The following CEP97 variants were observed in gnomAD, a reference collection of about 807,000 sequenced individuals.
CEP97 encodes centrosomal protein 97.
CEP97 carries 43 observed loss-of-function variants against 73.1 expected under a neutral mutation model. The ratio of observed to expected loss-of-function variants is 0.59; its 90% CI spans 0.46 to 0.76. The LOEUF is 0.76. CEP97 is among the 30% of genes least tolerant of loss of function. The pLI is 0.00. For synonymous variants in CEP97, 337 were observed against 370.0 expected, an observed-to-expected ratio of 0.91 and a Z score of 1.02; for missense variants, 939 against 1,014.0, an observed-to-expected ratio of 0.93 and a Z score of 1.00.
chr3:101,765,237 A>G lies in CEP97; in HGVS notation c.2284A>G (p.Ser762Gly), dbSNP rs150428728. The G allele has an allele frequency of 5.3e-5, 86 of 1,614,230 alleles. No individual in the cohort carries two copies. Among genetic ancestry groups the G allele is most frequent in the Non-Finnish European group, 6.9e-5 (82 of 1,180,030 alleles). ...SEEHGEWNKE[S>G]SNNEQDNSLL... ...AGAACATGGTGAATGGAATAAGGAA[A>G]GCTCAAATAACGAGCAGGACAATAG... The change falls in exon 11 of 11, where the codon AGC (serine) becomes GGC (glycine). Residue 762 changes from serine (S) to glycine (G), a missense_variant. Physicochemically the swap from Ser to Gly is moderately conservative, Grantham distance 56 (BLOSUM62 0). Transcript: ENST00000341893.
intron 4 of CEP97, 38 bp downstream of exon 4, chr3:101,728,975 G>A (rs777748882): frequency 3.5e-6 from 4 of 1,145,498 alleles, no homozygotes; most frequent in African/African-American, 3.1e-5. Context: ...AAGTTTTATA[G>A]CAAAATACCA....
chr3:101,760,684 G>C (rs954858131), intron 9 of CEP97, among the ~76,000 whole-genome samples: 1 of 151,878 alleles, frequency 6.6e-6, no homozygotes, highest in African/African-American at 2.4e-5. Context: ...TGGGACTATA[G>C]GCATGCACCA....
intron 6 of CEP97, among the ~76,000 whole-genome samples, chr3:101,754,566 T>A (rs1938950818): frequency 6.6e-6 from 1 of 152,168 alleles, no homozygotes. Context: ...ACTGAGCAGT[T>A]CTTTCTTGGG....
Position 101,727,425 on chromosome 3 carries a change from G to T in CEP97, c.229G>T (p.Ala77Ser), listed in dbSNP as rs1176182218. The change falls in exon 3 of 11, where the codon GCC (alanine) becomes TCC (serine). Residue 77 changes from alanine (A) to serine (S), a missense_variant. Ala to Ser is a moderately conservative substitution (Grantham distance 99). Coordinates refer to ENST00000341893, the MANE Select transcript of CEP97 (RefSeq NM_024548.4). ...TCGGCTGGTTCGGATGATGGGTGTG[G>T]CCAAGCTGACGTTGCTTCGTGTATT... Reference protein sequence around the residue: ...NNRLVRMMGVAKLTLLRVLNL... With the variant: ...NNRLVRMMGVSKLTLLRVLNL... The T allele has an allele frequency of 1.2e-6, 2 of 1,613,772 alleles. No homozygotes were observed. The highest frequency in any genetic ancestry group is 3.3e-5 in the Admixed American group (2 of 59,962).
At chr3:101,738,011 CAAAAAAAAAA>C (rs770745532) in intron 6 of CEP97, among the ~76,000 whole-genome samples, 1 of 44,222 alleles carries the variant, frequency 2.3e-5, no homozygotes, top group African/African-American at 9.9e-5. Context: ...AAATGGAAAG[CAAAAAAAAAA>C]AAAAAAAAAA....
chr3:101,732,600 G>C lies in CEP97; in HGVS notation c.674G>C (p.Ser225Thr). The change falls in exon 6 of 11, where the codon AGC (serine) becomes ACC (threonine). Residue 225 changes from serine to threonine, a missense_variant. Ser to Thr is a moderately conservative substitution (Grantham distance 58). Coordinates refer to ENST00000341893, the MANE Select transcript of CEP97 (RefSeq NM_024548.4). Reference protein sequence around the residue: ...PGFDYRPYIVSWCLNLRVLDG... With the variant: ...PGFDYRPYIVTWCLNLRVLDG... ...TTTGACTATCGGCCGTACATCGTCAGCTGGTGCCTAAACCTCAGAGTCCTA... is the reference window on the plus strand; with the variant it reads ...TTTGACTATCGGCCGTACATCGTCACCTGGTGCCTAAACCTCAGAGTCCTA... 6.2e-7 allele frequency: 1 copy of C among 1,614,084 alleles called. No individual in the cohort carries two copies. Among genetic ancestry groups the C allele is most frequent in the South Asian group, 1.1e-5 (1 of 91,080 alleles).
intron 2 of CEP97, among the ~76,000 whole-genome samples, chr3:101,727,093 A>G (rs548004408): frequency 6.6e-6 from 1 of 152,196 alleles, no homozygotes; most frequent in Non-Finnish European, 1.5e-5. Flanking sequence ...TGAGAGTTTA[A>G]CAGCACTATT....
In CEP97 at chr3:101,766,670, C is replaced by G. The variant is rs1239859506; in HGVS notation, c.*1119C>G. 6.6e-6 allele frequency: 1 copy of G among 152,058 alleles called. No individual in the cohort carries two copies. The highest frequency in any genetic ancestry group is 1.5e-5 in the Non-Finnish European group (1 of 67,978). The allele number at this position is 152,058 out of a possible 1,614,324, so 9.4% of individuals were successfully genotyped here. A position where few individuals can be genotyped will look rare whatever the true frequency, so the allele number is the denominator to read the frequency against. ...ATATATATATATATGTCTGCAACTT[C>G]AGGGAGAAATAAGATTGTGTTTGAA... On this transcript the variant is annotated 3_prime_UTR_variant, in exon 11 of 11. Transcript: ENST00000341893.
chr3:101,738,858 A>C (rs189299789), intron 6 of CEP97, among the ~76,000 whole-genome samples: 54 of 152,352 alleles, frequency 3.5e-4, no homozygotes, highest in Middle Eastern at 3.4e-3. Flanking sequence ...GGAGATAGAG[A>C]CACAAAAAAC....
intron 6 of CEP97, among the ~76,000 whole-genome samples, chr3:101,738,145 C>A (rs1339655104): frequency 6.6e-6 from 1 of 151,818 alleles, no homozygotes; most frequent in East Asian, 1.9e-4. Flanking sequence ...ACAAGAAGAG[C>A]TAACTATCCT....
At position 101,768,666 on chromosome 3, in the gene CEP97, CT is replaced by C. The variant is rs1305727815; in HGVS notation, c.*3116del. 1.3e-5 allele frequency: 2 copies of C among 152,072 alleles called. No homozygotes were observed. Among genetic ancestry groups the C allele is most frequent in the African/African-American group, 4.8e-5 (2 of 41,410 alleles). The allele number at this position is 152,072 out of a possible 1,614,324, so 9.4% of individuals were successfully genotyped here. The stretch of plus-strand genomic sequence containing the variant: ...GCCTGGACAACATAGCAAGACCCCC[CT>C]CTCTACAAAAAAAATTTTTTTCTGA... On this transcript the variant is annotated 3_prime_UTR_variant, in exon 11 of 11. Transcript: ENST00000341893.
At chr3:101,734,972 C>T (rs1173760578) in intron 6 of CEP97, among the ~76,000 whole-genome samples, 2 of 152,142 alleles carry the variant, frequency 1.3e-5, no homozygotes, top group African/African-American at 4.8e-5. Flanking sequence ...TTCCTTAGGG[C>T]TTTTCTGAGG....
intron 6 of CEP97, among the ~76,000 whole-genome samples, chr3:101,750,715 A>G (rs1236687821): frequency 6.6e-6 from 1 of 152,140 alleles, no homozygotes; most frequent in Non-Finnish European, 1.5e-5. Context: ...TGTTTGTAGT[A>G]TTCTCTGATG....
intron 6 of CEP97, among the ~76,000 whole-genome samples, chr3:101,733,619 C>T (rs1938181822): frequency 6.6e-6 from 1 of 151,368 alleles, no homozygotes; most frequent in South Asian, 2.1e-4. Context: ...CAAGCTCCGC[C>T]TCCCGGGTTC....
chr3:101,741,693 A>G (rs1938459865), intron 6 of CEP97, among the ~76,000 whole-genome samples: 1 of 152,220 alleles, frequency 6.6e-6, no homozygotes, highest in South Asian at 2.1e-4. Flanking sequence ...AGAAATGCAA[A>G]TCAAAACCAC....
At chr3:101,726,480 C>T in intron 1 of CEP97, 114 bp from the exon 2 acceptor site, 1 of 640,204 alleles carries the variant, frequency 1.6e-6, no homozygotes, top group Non-Finnish European at 2.4e-6. Flanking sequence ...TTATTATGCT[C>T]TACTGTTCTT....
chr3:101,733,766 G>T (rs1938189666), intron 6 of CEP97, among the ~76,000 whole-genome samples: 1 of 152,010 alleles, frequency 6.6e-6, no homozygotes, highest in South Asian at 2.1e-4. Context: ...TCCTGACCTC[G>T]TGATCCACCC....
chr3:101,753,446 G>A (rs535270905), intron 6 of CEP97, among the ~76,000 whole-genome samples: 8 of 152,348 alleles, frequency 5.3e-5, no homozygotes, highest in African/African-American at 1.9e-4. Flanking sequence ...GTCAGACAGG[G>A]ACAGTTAAGT....
At position 101,765,447 on chromosome 3, in the gene CEP97, A is replaced by T; in HGVS notation, c.2494A>T (p.Ile832Phe). Residue 832 changes from isoleucine to phenylalanine, a missense_variant, in exon 11 of 11, where the codon ATT (isoleucine) becomes TTT (phenylalanine). Physicochemically the swap from Ile to Phe is conservative, Grantham distance 21 (BLOSUM62 0). Coordinates refer to ENST00000341893, the MANE Select transcript of CEP97 (RefSeq NM_024548.4). ...HGISPPLQGE[I>F]SQTQENSKLN... Reference sequence around the variant, plus strand: ...CATATCTCCTCCTTTGCAAGGTGAAATTAGCCAGACACAAGAGAATTCTAA... The same window carrying T: ...CATATCTCCTCCTTTGCAAGGTGAATTTAGCCAGACACAAGAGAATTCTAA... The T allele has an allele frequency of 2.5e-6, 4 of 1,614,116 alleles. No individual in the cohort carries two copies. The South Asian group carries it at 4.4e-5, about 18-fold the overall frequency.
Sources: gnomAD v4.1 joint callset for allele counts (sites outside exome capture counted in the v4.1 genomes callset) on GRCh38, gnomAD v4.1.1 for gene constraint, MANE v1.5 for transcripts, NCBI Gene and HGNC (gene_info 2026-07-23, HGNC 2026-07-21) for gene names.